PCDHA1: variants seen among roughly 807,000 people sequenced by gnomAD.
PCDHA1 encodes protocadherin alpha 1.
In PCDHA1, 42 loss-of-function variants were observed where a neutral mutation model predicts 61.3. The ratio of observed to expected loss-of-function variants is 0.69; its 90% confidence interval spans 0.54 to 0.89. The LOEUF (loss-of-function observed/expected upper bound fraction) is 0.89, where lower values mean the gene tolerates loss of function less well. Among genes scored for constraint, PCDHA1 ranks in the 40% least tolerant of loss-of-function variants. The pLI, the probability that PCDHA1 is intolerant of heterozygous loss-of-function variation, is 0.00. For missense variants in PCDHA1, 1,256 were observed against 1,235.3 expected, an observed-to-expected ratio of 1.02 and a Z score of -0.25; for synonymous variants, 610 against 553.8, an observed-to-expected ratio of 1.10 and a Z score of -1.43.
intron 1 of PCDHA1, among the ~76,000 whole-genome samples, chr5:140,911,001 C>T (rs543025308): frequency 1.3e-5 from 2 of 152,220 alleles, no homozygotes; most frequent in African/African-American, 4.8e-5. Context: ...CCCCTAGGGC[C>T]CTCCTGGGAC....
intron 1 of PCDHA1, chr5:140,823,165 A>C: frequency 6.2e-7 from 1 of 1,613,828 alleles, no homozygotes; most frequent in East Asian, 2.2e-5. Context: ...CGTGTTCGTG[A>C]AGGAGAACAA....
At chr5:140,797,137 G>A (rs1554120305) in intron 1 of PCDHA1, 2 of 1,614,006 alleles carry the variant, frequency 1.2e-6, no homozygotes, top group Non-Finnish European at 1.7e-6. Flanking sequence ...GCGGTGCTCG[G>A]TGCCACCCAC....
At chr5:140,883,907 A>G (rs2059882679) in intron 1 of PCDHA1, 1 of 1,613,358 alleles carries the variant, frequency 6.2e-7, no homozygotes, top group African/African-American at 1.3e-5. Context: ...GCCTCTGGGC[A>G]GCAACGTGAC....
At chr5:140,993,123 C>G (rs925185301) in intron 3 of PCDHA1, among the ~76,000 whole-genome samples, 1 of 152,180 alleles carries the variant, frequency 6.6e-6, no homozygotes, top group African/African-American at 2.4e-5. Context: ...ACATCAATTT[C>G]CTTCTGTTGC....
intron 3 of PCDHA1, among the ~76,000 whole-genome samples, chr5:140,995,275 A>G (rs1383239362): frequency 6.6e-6 from 1 of 152,146 alleles, no homozygotes; most frequent in African/African-American, 2.4e-5. Context: ...GCCCTTTGAT[A>G]CCAAAACAGC....
At chr5:140,940,717 G>T (rs1554213570) in intron 1 of PCDHA1, among the ~76,000 whole-genome samples, 1 of 152,130 alleles carries the variant, frequency 6.6e-6, no homozygotes, top group African/African-American at 2.4e-5. Flanking sequence ...GCTGTGTGCT[G>T]TTTCAGCTGG....
intron 1 of PCDHA1, chr5:140,883,657 C>A (rs782568456): frequency 1.2e-6 from 2 of 1,613,470 alleles, no homozygotes; most frequent in East Asian, 4.5e-5. Context: ...ACACGGTGTT[C>A]GTGAAGGAAA....
intron 1 of PCDHA1, chr5:140,929,344 A>G: frequency 6.5e-7 from 1 of 1,531,050 alleles, no homozygotes; most frequent in South Asian, 1.3e-5. Flanking sequence ...ATTTTATGGA[A>G]TTTGATTCCT....
At chr5:140,797,273 T>C in intron 1 of PCDHA1, 1 of 1,614,226 alleles carries the variant, frequency 6.2e-7, no homozygotes. Flanking sequence ...ACGGACCTCA[T>C]GGCCTTCAGC....
chr5:140,891,755 G>C (rs1489884923), intron 1 of PCDHA1, among the ~76,000 whole-genome samples: 2 of 152,114 alleles, frequency 1.3e-5, no homozygotes, highest in Non-Finnish European at 2.9e-5. Flanking sequence ...CAACAGTGTT[G>C]GGAGGTGGGG....
intron 1 of PCDHA1, chr5:140,926,720 T>C (rs2083499438): frequency 2.0e-6 from 2 of 1,002,404 alleles, no homozygotes; most frequent in Non-Finnish European, 2.7e-6. Flanking sequence ...GCCCCGGCAA[T>C]GCCGGCGTTC....
chr5:140,844,257 G>A lies in PCDHA1; in HGVS notation c.2394+55573G>A, dbSNP rs1328189428. Among the ~76,000 whole-genome samples, 4 of 149,406 alleles carry A rather than the reference G, an allele frequency of 2.7e-5. 1 individual carries two copies. Among genetic ancestry groups the A allele is most frequent in the African/African-American group, 9.8e-5 (4 of 40,832 alleles). ...CACTATTGCCGTTTTAAGCAGTGTA[G>A]TGATAAAATACAGAATGATAGTGTT... On this transcript the variant is annotated intron_variant, in intron 1 of 3. Transcript: ENST00000504120.
intron 1 of PCDHA1, among the ~76,000 whole-genome samples, chr5:140,941,214 CCTTTCTTTCTTTCTTT>C (rs60032403): frequency 8.2e-6 from 1 of 122,414 alleles, no homozygotes; most frequent in East Asian, 2.3e-4. Context: ...TTTCTTTCTT[CCTTTCTTTCTTTCTTT>C]CTTTCTTTCT....
At chr5:140,967,051 G>C in intron 1 of PCDHA1, 2 of 1,612,562 alleles carry the variant, frequency 1.2e-6, no homozygotes, top group Non-Finnish European at 1.7e-6. Context: ...TGGACCTGAC[G>C]AGTGGAGCGC....
At chr5:140,882,365 T>C (rs141224516) in intron 1 of PCDHA1, 1 of 1,614,208 alleles carries the variant, frequency 6.2e-7, no homozygotes, top group Non-Finnish European at 8.5e-7. Context: ...CCAGCTCCAC[T>C]ACTCCGTCCC....
At chr5:140,869,004 T>C in intron 1 of PCDHA1, 1 of 1,521,534 alleles carries the variant, frequency 6.6e-7, no homozygotes, top group Non-Finnish European at 8.8e-7. Context: ...AAGGATCCTT[T>C]GAAACTTCTT....
At chr5:140,980,152 C>T (rs1554241475) in intron 2 of PCDHA1, among the ~76,000 whole-genome samples, 1 of 152,040 alleles carries the variant, frequency 6.6e-6, no homozygotes, top group Admixed American at 6.6e-5. Flanking sequence ...CATGCATATA[C>T]CAGAATATTA....
chr5:140,826,590 A>T (rs2150144335), intron 1 of PCDHA1, among the ~76,000 whole-genome samples: 2 of 152,128 alleles, frequency 1.3e-5, no homozygotes, highest in East Asian at 3.8e-4. Context: ...AATGGATAAC[A>T]TTAAGGTTAA....
At chr5:140,877,631 C>A (rs1220029307) in intron 1 of PCDHA1, 2 of 1,613,768 alleles carry the variant, frequency 1.2e-6, no homozygotes, top group South Asian at 1.1e-5. Flanking sequence ...CTGTACACTG[C>A]GCTGCGTTGC....
Sources: gnomAD v4.1 joint callset for allele counts (sites outside exome capture counted in the v4.1 genomes callset) on GRCh38, gnomAD v4.1.1 for gene constraint, MANE v1.5 for transcripts, NCBI Gene and HGNC (gene_info 2026-07-23, HGNC 2026-07-21) for gene names.